Variants in PSME3IP1 observed in about 807,000 individuals in gnomAD.
PSME3IP1 encodes the protein proteasome activator subunit 3 interacting protein 1.
A neutral mutation model predicts 34.1 loss-of-function variants in PSME3IP1; 13 were observed. That is an observed-to-expected ratio of 0.38 (90% CI 0.25 to 0.61). PSME3IP1 has a LOEUF of 0.61. Among genes scored for constraint, PSME3IP1 ranks in the 20% least tolerant of loss-of-function variants. The pLI is 0.60. For missense variants in PSME3IP1, 237 were observed against 301.4 expected, an observed-to-expected ratio of 0.79 and a Z score of 1.58; for synonymous variants, 93 against 114.3, an observed-to-expected ratio of 0.81 and a Z score of 1.19.
At chr16:57,173,056 G>A (rs2145820381) in intron 2 of PSME3IP1, among the ~76,000 whole-genome samples, 182 bp from the exon 3 acceptor site, 1 of 152,206 alleles carries the variant, frequency 6.6e-6, no homozygotes, top group East Asian at 1.9e-4. Flanking sequence ...CTCAGAGAGG[G>A]GCCACCAGTT....
intron 4 of PSME3IP1, among the ~76,000 whole-genome samples, chr16:57,170,390 G>GT (rs1431598879): frequency 6.6e-6 from 1 of 152,036 alleles, no homozygotes; most frequent in Non-Finnish European, 1.5e-5. Context: ...GGCCTCCCAC[G>GT]TAACTCTTAA....
chr16:57,176,902 C>T (rs182617516), intron 1 of PSME3IP1, among the ~76,000 whole-genome samples: 5,396 of 151,932 alleles, frequency 0.036, 101 homozygotes, highest in Middle Eastern at 0.11. Flanking sequence ...CCGCCCAGGC[C>T]GGAGTGCAGT....
intron 4 of PSME3IP1, among the ~76,000 whole-genome samples, chr16:57,167,540 C>A (rs1162134459): frequency 6.6e-6 from 1 of 152,120 alleles, no homozygotes; most frequent in Non-Finnish European, 1.5e-5. Context: ...GAAAACAGAT[C>A]TTAAGGAATA....
chr16:57,185,802 G>A lies in PSME3IP1; in HGVS notation c.-16+19C>T. On this transcript the variant is annotated intron_variant, in intron 1 of 6. Transcript: ENST00000309137. ...GAACCCAGGTGTCGCCGCCAGGCCA[G>A]GACCGAGGCCGCACTCACCTACCGG... 1.0e-6 allele frequency: 1 copy of A among 985,500 alleles called. No individual in the cohort carries two copies. Among genetic ancestry groups the A allele is most frequent in the African/African-American group, 1.7e-5 (1 of 57,312 alleles). The allele number at this position is 985,500 out of a possible 1,614,324, so 61.0% of individuals were successfully genotyped here.
intron 1 of PSME3IP1, among the ~76,000 whole-genome samples, chr16:57,179,133 TAGA>T (rs1288333318): frequency 6.6e-6 from 1 of 152,184 alleles, no homozygotes. Context: ...TGTTCCACTT[TAGA>T]AAGAGTAAAC....
intron 6 of PSME3IP1, among the ~76,000 whole-genome samples, chr16:57,161,328 G>A (rs2071201423): frequency 6.6e-6 from 1 of 152,116 alleles, no homozygotes; most frequent in Non-Finnish European, 1.5e-5. Flanking sequence ...TAGCTCAGTG[G>A]AAGAAGAGAG....
In PSME3IP1 at chr16:57,167,154, T is replaced by A. The variant is rs143746498; in HGVS notation, c.421A>T (p.Ile141Leu). 2.7e-3 allele frequency: 4,434 copies of A among 1,614,198 alleles called. 9 individuals are homozygous for A. Among genetic ancestry groups the A allele is most frequent in the Non-Finnish European group, 3.2e-3 (3,743 of 1,180,014 alleles). ...TGGGAGAACTTGTTCTTGGTTTCTA[T>A]AGGCTTCACAGTCAGTTTCTTTTCC... is the stretch of plus-strand genomic sequence containing the variant. ...EVEKKLTVKP[I>L]ETKNKFSQAK... Residue 141 changes from isoleucine to leucine, a missense_variant, in exon 5 of 7, where the codon ATA (isoleucine) becomes TTA (leucine). Physicochemically the swap from Ile to Leu is conservative, Grantham distance 5. Transcript: ENST00000309137.
At chr16:57,158,322 T>C (rs1302236094) in intron 6 of PSME3IP1, among the ~76,000 whole-genome samples, 2 of 151,270 alleles carry the variant, frequency 1.3e-5, no homozygotes, top group Non-Finnish European at 3.0e-5. Context: ...GCGTGGTGGC[T>C]CACGCCTGTA....
rs935288813 is a variant in PSME3IP1 at position 57,172,173 on chromosome 16, T to G, written c.348+78A>C. ...CACCAGGTAGAAAACCCTCTTTCTG[T>G]TGATGAGGAGACAACATCCATAGAT... On this transcript the variant is annotated intron_variant, in intron 4 of 6. Coordinates refer to ENST00000309137, the MANE Select transcript of PSME3IP1 (RefSeq NM_024946.4). The G allele has an allele frequency of 1.3e-5, 19 of 1,502,176 alleles. No homozygotes were observed. In the African/African-American group the frequency reaches 2.4e-4, roughly 19 times the overall value. 93.1% of individuals were successfully genotyped at this position (1,502,176 alleles called of 1,614,324 possible).
At chr16:57,168,398 T>C (rs2072152218) in intron 4 of PSME3IP1, among the ~76,000 whole-genome samples, 1 of 152,194 alleles carries the variant, frequency 6.6e-6, no homozygotes, top group South Asian at 2.1e-4. Flanking sequence ...ATATTTGCAG[T>C]ATGCAATGGA....
chr16:57,164,131 G>A, intron 5 of PSME3IP1, 66 bp from the exon 6 acceptor site: 1 of 1,426,726 alleles, frequency 7.0e-7, no homozygotes, highest in Non-Finnish European at 9.9e-7. Context: ...AGGGAATCAG[G>A]AGCTCCAATA....
chr16:57,173,681 G>C (rs766578479), intron 2 of PSME3IP1, 47 bp downstream of exon 2: 1 of 1,605,420 alleles, frequency 6.2e-7, no homozygotes, highest in Non-Finnish European at 8.5e-7. Flanking sequence ...TACTCTGCAG[G>C]GTTGCTGTGT....
intron 1 of PSME3IP1, 184 bp downstream of exon 1, chr16:57,185,637 G>A: frequency 4.1e-6 from 4 of 985,502 alleles, no homozygotes; most frequent in Non-Finnish European, 4.8e-6. Flanking sequence ...CTTCCCGCGG[G>A]CACCCTCAGC....
intron 5 of PSME3IP1, among the ~76,000 whole-genome samples, chr16:57,165,632 G>A (rs767642845): frequency 2.0e-5 from 3 of 152,124 alleles, no homozygotes; most frequent in Admixed American, 1.3e-4. Context: ...CAAACTTACT[G>A]AACCAGAATT....
intron 1 of PSME3IP1, among the ~76,000 whole-genome samples, chr16:57,181,042 G>A (rs1285381492): frequency 6.6e-6 from 1 of 151,552 alleles, no homozygotes; most frequent in Non-Finnish European, 1.5e-5. Flanking sequence ...GACCTTGCCT[G>A]GCGAGGGGGA....
intron 6 of PSME3IP1, among the ~76,000 whole-genome samples, chr16:57,161,330 A>C (rs1402586575): frequency 6.6e-6 from 1 of 152,358 alleles, no homozygotes; most frequent in East Asian, 1.9e-4. Flanking sequence ...GCTCAGTGGA[A>C]GAAGAGAGTC....
At chr16:57,171,335 C>T (rs1022725108) in intron 4 of PSME3IP1, among the ~76,000 whole-genome samples, 5 of 152,076 alleles carry the variant, frequency 3.3e-5, no homozygotes, top group African/African-American at 9.7e-5. Flanking sequence ...AAGAAGGAGG[C>T]GGGTTGGCCT....
At chr16:57,182,570 A>C (rs546245874) in intron 1 of PSME3IP1, among the ~76,000 whole-genome samples, 7 of 150,692 alleles carry the variant, frequency 4.6e-5, no homozygotes, top group East Asian at 1.9e-4. Context: ...AAAAAAAAAA[A>C]AAAAAACTTT....
intron 1 of PSME3IP1, chr16:57,174,455 T>G: frequency 1.0e-6 from 1 of 985,432 alleles, no homozygotes; most frequent in Non-Finnish European, 1.2e-6. Context: ...TGTTCCATAG[T>G]AAATCTCATA....
Sources: allele counts gnomAD v4.1 joint callset (sites outside exome capture counted in the v4.1 genomes callset), GRCh38; gene constraint gnomAD v4.1.1; transcripts MANE v1.5; gene names NCBI Gene and HGNC (gene_info 2026-07-23, HGNC 2026-07-21).